The following REDIC1 variants were observed in gnomAD, a reference collection of about 807,000 sequenced individuals.
REDIC1 encodes the protein HEI10 Interacting Protein 1.
the REDIC1 span, among the ~76,000 whole-genome samples, chr12:39,835,044 G>T: frequency 6.6e-6 from 1 of 152,016 alleles, no homozygotes; most frequent in Admixed American, 6.6e-5. Context: ...TTTCGGTAAG[G>T]TTTTCTAAAT....
At chr12:39,770,414 A>AG in the REDIC1 span, among the ~76,000 whole-genome samples, 1 of 152,118 alleles carries the variant, frequency 6.6e-6, no homozygotes, top group Non-Finnish European at 1.5e-5. Flanking sequence ...TCGTGACTCT[A>AG]CCACTTAATA....
the REDIC1 span, among the ~76,000 whole-genome samples, chr12:39,779,408 G>T: frequency 6.6e-6 from 1 of 151,986 alleles, no homozygotes; most frequent in East Asian, 1.9e-4. Context: ...ATTTCCCTGG[G>T]TTTTTTGGGG....
the REDIC1 span, among the ~76,000 whole-genome samples, chr12:39,806,070 C>T: frequency 6.6e-6 from 1 of 152,142 alleles, no homozygotes; most frequent in Non-Finnish European, 1.5e-5. Context: ...GTAGCTGCAA[C>T]AGAACTGATT....
chr12:39,898,326 A>G, the REDIC1 span, among the ~76,000 whole-genome samples: 1 of 152,152 alleles, frequency 6.6e-6, no homozygotes, highest in South Asian at 2.1e-4. Flanking sequence ...CCAAAACATT[A>G]GGGTGAAGCA....
chr12:39,891,120 C>CTT, the REDIC1 span, among the ~76,000 whole-genome samples: 8 of 145,802 alleles, frequency 5.5e-5, no homozygotes, highest in African/African-American at 1.8e-4. Flanking sequence ...TCAAATATAC[C>CTT]TTTTTTTTTT....
At chr12:39,871,011 T>A in the REDIC1 span, among the ~76,000 whole-genome samples, 2 of 152,124 alleles carry the variant, frequency 1.3e-5, no homozygotes, top group Non-Finnish European at 2.9e-5. Context: ...GCATTCTCAC[T>A]CCAAATAAAC....
the REDIC1 span, among the ~76,000 whole-genome samples, chr12:39,666,527 C>T: frequency 5.9e-5 from 9 of 152,142 alleles, no homozygotes; most frequent in Non-Finnish European, 1.2e-4. Context: ...CTAAAGTTCT[C>T]TTTTTTTGTT....
the REDIC1 span, among the ~76,000 whole-genome samples, chr12:39,899,071 T>C: frequency 6.6e-6 from 1 of 152,138 alleles, no homozygotes; most frequent in Non-Finnish European, 1.5e-5. Context: ...AGTTCCTCCT[T>C]GTACCTCTGG....
chr12:39,665,324 T>C, the REDIC1 span, among the ~76,000 whole-genome samples: 52 of 152,342 alleles, frequency 3.4e-4, no homozygotes, highest in African/African-American at 1.2e-3. Flanking sequence ...ATTTATTAAA[T>C]AGGGAATCGT....
At chr12:39,712,015 T>A in the REDIC1 span, among the ~76,000 whole-genome samples, 1 of 145,126 alleles carries the variant, frequency 6.9e-6, no homozygotes, top group African/African-American at 2.5e-5. Context: ...TATACCTACC[T>A]GTATGTATAT....
At chr12:39,797,750 A>G in the REDIC1 span, among the ~76,000 whole-genome samples, 28 of 151,898 alleles carry the variant, frequency 1.8e-4, no homozygotes, top group African/African-American at 5.3e-4. Context: ...ACACACACAC[A>G]CACACACACA....
chr12:39,853,318 C>T, the REDIC1 span, among the ~76,000 whole-genome samples: 1 of 152,004 alleles, frequency 6.6e-6, no homozygotes, highest in East Asian at 1.9e-4. Flanking sequence ...GATCTAAGTG[C>T]TGTTTGGCAA....
chr12:39,810,628 A>G, the REDIC1 span, among the ~76,000 whole-genome samples: 3 of 152,162 alleles, frequency 2.0e-5, no homozygotes, highest in African/African-American at 4.8e-5. Flanking sequence ...GATGTTATGT[A>G]TCAGGTCGAG....
the REDIC1 span, among the ~76,000 whole-genome samples, chr12:39,642,024 T>C: frequency 3.4e-4 from 52 of 151,918 alleles, no homozygotes; most frequent in Non-Finnish European, 5.5e-4. Flanking sequence ...ATTCTCCAGA[T>C]TTTATTTCTA....
At chr12:39,712,359 T>C in the REDIC1 span, among the ~76,000 whole-genome samples, 12 of 139,156 alleles carry the variant, frequency 8.6e-5, 1 homozygote, top group East Asian at 2.6e-3. Flanking sequence ...TATACATACA[T>C]ACATACATAT....
chr12:39,729,227 T>C, the REDIC1 span, among the ~76,000 whole-genome samples: 15 of 152,318 alleles, frequency 9.8e-5, no homozygotes, highest in Non-Finnish European at 1.8e-4. Flanking sequence ...CTCTTGCTTC[T>C]CTAGTTCTTT....
At chr12:39,781,457 G>T in the REDIC1 span, among the ~76,000 whole-genome samples, 14 of 152,306 alleles carry the variant, frequency 9.2e-5, no homozygotes, top group East Asian at 1.5e-3. Context: ...TGCCCCAGGG[G>T]CTAGTACAGT....
At chr12:39,882,061 T>C in the REDIC1 span, among the ~76,000 whole-genome samples, 2 of 152,160 alleles carry the variant, frequency 1.3e-5, no homozygotes, top group East Asian at 3.8e-4. Flanking sequence ...CCCACTGACA[T>C]AATATGTCAC....
At chr12:39,714,256 T>G in the REDIC1 span, among the ~76,000 whole-genome samples, 2 of 145,308 alleles carry the variant, frequency 1.4e-5, 1 homozygote, top group Non-Finnish European at 3.1e-5. Flanking sequence ...TATACGTATA[T>G]GCATGCATAT....
Sources: gnomAD v4.1 joint callset for allele counts (sites outside exome capture counted in the v4.1 genomes callset) on GRCh38, gnomAD v4.1.1 for gene constraint, MANE v1.5 for transcripts, NCBI Gene and HGNC (gene_info 2026-07-23, HGNC 2026-07-21) for gene names.